PITPNM2: variants seen among roughly 807,000 people sequenced by gnomAD.
The protein encoded by PITPNM2 is membrane-associated phosphatidylinositol transfer protein 2.
Under a neutral mutation model 132.2 loss-of-function variants are expected in PITPNM2, and 35 were observed. That is an observed-to-expected ratio of 0.26 (90% CI 0.20 to 0.35). The LOEUF is 0.35. Ranked by LOEUF, PITPNM2 falls within the 10% of genes least tolerant of loss-of-function variation. The probability of loss-of-function intolerance (pLI) is 1.00; values close to 1 mark genes in which losing one functional copy is unlikely to be tolerated. For missense variants in PITPNM2, 1,332 were observed against 1,912.0 expected (o/e 0.70, Z 5.66); for synonymous variants, 738 against 799.2 (o/e 0.92, Z 1.29).
chr12:123,123,227 C>A (rs2043065631), intron 1 of PITPNM2, among the ~76,000 whole-genome samples: 1 of 152,176 alleles, frequency 6.6e-6, no homozygotes, highest in Non-Finnish European at 1.5e-5. Context: ...TCTACATGAG[C>A]CAACAGAGAA....
chr12:123,033,705 A>G lies in PITPNM2; in HGVS notation c.78+808T>C, dbSNP rs1047353058. 1.9e-4 allele frequency among the ~76,000 whole-genome samples: 29 copies of G among 152,186 alleles called. No individual in the cohort carries two copies. In the Middle Eastern group the frequency reaches 0.017, roughly 89 times the overall value. ...CTGTCTGTAGAATGGGGTGTTATGGACTGAATGTCTCTGTCCCCCTAAAAG... is the reference window on the plus strand; with the variant it reads ...CTGTCTGTAGAATGGGGTGTTATGGGCTGAATGTCTCTGTCCCCCTAAAAG... On this transcript the variant is annotated intron_variant, in intron 3 of 25. Coordinates refer to ENST00000320201, the MANE Select transcript of PITPNM2 (RefSeq NM_020845.3).
At chr12:122,991,987 C>A in intron 16 of PITPNM2, 1 of 1,207,286 alleles carries the variant, frequency 8.3e-7, no homozygotes, top group East Asian at 2.9e-5. Flanking sequence ...CTCAGGGCTC[C>A]TCGAGGACCA....
chr12:123,089,466 T>C (rs1433934808), intron 2 of PITPNM2: 2 of 152,174 alleles, frequency 1.3e-5, no homozygotes, highest in East Asian at 3.8e-4. Context: ...TAGATCCTTC[T>C]TCCTACTAGT....
At chr12:123,144,480 A>G (rs2043571515) in intron 1 of PITPNM2, among the ~76,000 whole-genome samples, 1 of 152,174 alleles carries the variant, frequency 6.6e-6, no homozygotes, top group East Asian at 1.9e-4. Context: ...TCGCCAGGCC[A>G]GAGTGCAGGG....
intron 3 of PITPNM2, among the ~76,000 whole-genome samples, chr12:123,027,434 T>C (rs1358096519): frequency 6.6e-6 from 1 of 152,124 alleles, no homozygotes; most frequent in African/African-American, 2.4e-5. Flanking sequence ...AGTGCTCCAC[T>C]AAAAGCAATG....
At chr12:123,053,756 TG>T (rs2040936016) in intron 2 of PITPNM2, among the ~76,000 whole-genome samples, 1 of 151,988 alleles carries the variant, frequency 6.6e-6, no homozygotes, top group East Asian at 1.9e-4. Context: ...TTAGTAGAGA[TG>T]GGGTTTCTGC....
At chr12:123,034,708 C>A (rs1236488634) in intron 2 of PITPNM2, 23 bp from the exon 3 acceptor site, 17 of 821,354 alleles carry the variant, frequency 2.1e-5, no homozygotes, top group Non-Finnish European at 3.3e-5. Context: ...GAGGACAGAA[C>A]AGAACAGTCA....
rs758102203 is a variant in PITPNM2, at chr12:123,000,847, A to G, written c.1155T>C (p.Asp385=). 3 of 1,614,062 alleles carry G rather than the reference A, an allele frequency of 1.9e-6. No individual in the cohort carries two copies. The highest frequency in any genetic ancestry group is 3.3e-5 in the Admixed American group (2 of 60,028). ...CAGGGGCACCCTGGCGGTACAGACC[A>G]TCTGCAAAGACACAGAAGCCGTGCT... ...IESPEPEDTQ[D]GLYRQGAPEF... The change falls in exon 10 of 26, where the codon GAT becomes GAC. Residue 385 remains aspartate, a splice_region_variant and synonymous_variant. Coordinates refer to ENST00000320201, the MANE Select transcript of PITPNM2 (RefSeq NM_020845.3). The surrounding 1 kb of genome is among the most constrained non-coding windows in gnomAD (Gnocchi z 5.4).
chr12:122,987,240 C>T (rs769934061), intron 23 of PITPNM2, 41 bp downstream of exon 23: 6 of 1,602,492 alleles, frequency 3.7e-6, no homozygotes, highest in Non-Finnish European at 4.3e-6. Flanking sequence ...TGAGCCCACC[C>T]ACCTTGCTAC....
rs2038221948 is a variant in PITPNM2, at chr12:122,992,246, G to A, written c.2404+253C>T. On this transcript the variant is annotated intron_variant, in intron 16 of 25. Coordinates refer to ENST00000320201, the MANE Select transcript of PITPNM2 (RefSeq NM_020845.3). This position sits in a 1 kb window ranked among gnomAD's most constrained non-coding sequence, Gnocchi z 6.5. ...TTGTTCTGCCCTTTCCCTGCTCCGGGGACCCTGGAACAAGGCCCTGACCTG... is the reference window on the plus strand; with the variant it reads ...TTGTTCTGCCCTTTCCCTGCTCCGGAGACCCTGGAACAAGGCCCTGACCTG... Among the ~76,000 whole-genome samples, 1 of 152,128 alleles carries A rather than the reference G, an allele frequency of 6.6e-6. No individual in the cohort carries two copies. Among genetic ancestry groups the A allele is most frequent in the Non-Finnish European group, 1.5e-5 (1 of 68,016 alleles).
rs2037813042 is a variant in PITPNM2, at chr12:122,983,636, CGGGAG to C, written c.*2386_*2390del. On this transcript the variant is annotated 3_prime_UTR_variant, in exon 26 of 26. Coordinates refer to ENST00000320201, the MANE Select transcript of PITPNM2 (RefSeq NM_020845.3). The stretch of plus-strand genomic sequence containing the variant: ...ACAGACGGCACACGGACAGACCAGA[CGGGAG>C]GGGCTGAGACGTGAAGGCTGTGATG... The C allele has an allele frequency of 6.6e-6, 1 of 151,786 alleles. No individual in the cohort carries two copies. Among genetic ancestry groups the C allele is most frequent in the Admixed American group, 6.6e-5 (1 of 15,216 alleles). The allele number at this position is 151,786 out of a possible 1,614,324, so 9.4% of individuals were successfully genotyped here.
intron 2 of PITPNM2, among the ~76,000 whole-genome samples, chr12:123,061,291 A>T (rs1286483515): frequency 6.6e-6 from 1 of 152,246 alleles, no homozygotes; most frequent in African/African-American, 2.4e-5. Flanking sequence ...AGGGCTCATG[A>T]CAAGGCACGG....
In PITPNM2 at chr12:122,989,964, A is replaced by G. The variant is rs2038114515; in HGVS notation, c.2570-16T>C. On this transcript the variant is annotated splice_polypyrimidine_tract_variant and intron_variant, in intron 17 of 25. Coordinates refer to ENST00000320201, the MANE Select transcript of PITPNM2 (RefSeq NM_020845.3). ...TCGGGGGCCTCTGAGAAGCAAGAGC[A>G]ATGGATGGCTCAGCCACGCGGGGAT... 2 of 1,302,700 alleles carry G rather than the reference A, an allele frequency of 1.5e-6. No homozygotes were observed. The highest frequency in any genetic ancestry group is 2.0e-6 in the Non-Finnish European group (2 of 1,021,460). 80.7% of individuals were successfully genotyped at this position (1,302,700 alleles called of 1,614,324 possible). A position where few individuals can be genotyped will look rare whatever the true frequency, so the allele number is the denominator to read the frequency against.
chr12:123,007,067 C>T (rs2038964644), intron 6 of PITPNM2, among the ~76,000 whole-genome samples: 1 of 152,158 alleles, frequency 6.6e-6, no homozygotes, highest in African/African-American at 2.4e-5. Context: ...TGACAGTTGG[C>T]CCCGAATTTT....
intron 2 of PITPNM2, among the ~76,000 whole-genome samples, chr12:123,107,462 C>G (rs559914153): frequency 6.6e-6 from 1 of 152,184 alleles, no homozygotes; most frequent in East Asian, 1.9e-4. Context: ...CCACCCACCA[C>G]CTGCCACCCC....
chr12:123,129,583 T>G (rs1406203629), intron 1 of PITPNM2, among the ~76,000 whole-genome samples: 1 of 151,702 alleles, frequency 6.6e-6, no homozygotes, highest in East Asian at 1.9e-4. Flanking sequence ...AAAAAAAAAA[T>G]TAAATGGATA....
chr12:123,110,195 C>A (rs1470327642), intron 2 of PITPNM2, among the ~76,000 whole-genome samples, 190 bp downstream of exon 2: 1 of 152,160 alleles, frequency 6.6e-6, no homozygotes, highest in Non-Finnish European at 1.5e-5. Context: ...CTCCAGTGAT[C>A]CTCCTGCCTT....
Position 123,022,938 on chromosome 12 carries a change from C to A in PITPNM2, c.79-8896G>T, listed in dbSNP as rs2039725271. On this transcript the variant is annotated intron_variant, in intron 3 of 25. Transcript: ENST00000320201. This position sits in a 1 kb window ranked among gnomAD's most constrained non-coding sequence, Gnocchi z 4.9. ...TCCACCCAAACCTCCCTCCCCAGAG[C>A]CCCGCTGGGACCAAGCAAGGCGGGC... Among the ~76,000 whole-genome samples, 1 of 152,224 alleles carries A rather than the reference C, an allele frequency of 6.6e-6. No individual in the cohort carries two copies. The highest frequency in any genetic ancestry group is 6.5e-5 in the Admixed American group (1 of 15,284).
chr12:123,020,489 C>G (rs1203582642), intron 3 of PITPNM2, among the ~76,000 whole-genome samples: 1 of 152,152 alleles, frequency 6.6e-6, no homozygotes, highest in Non-Finnish European at 1.5e-5. Context: ...ACAATCTAAT[C>G]TGGGTCCCAG....
Sources: gnomAD v4.1 joint callset for allele counts (sites outside exome capture counted in the v4.1 genomes callset) on GRCh38, gnomAD v4.1.1 for gene constraint, Gnocchi (gnomAD v3.1) non-coding constraint, MANE v1.5 for transcripts, NCBI Gene and HGNC (gene_info 2026-07-23, HGNC 2026-07-21) for gene names.